PRR5L: variants seen among roughly 807,000 people sequenced by gnomAD.
PRR5L encodes proline rich 5 like, also known as proline-rich protein 5-like.
PRR5L carries 21 observed loss-of-function variants against 36.4 expected under a neutral mutation model. That is an observed-to-expected ratio of 0.58 (90% confidence interval 0.41 to 0.83). PRR5L has a LOEUF of 0.83. PRR5L is among the 40% of genes least tolerant of loss of function. The pLI is 0.00. For synonymous variants in PRR5L, 188 were observed against 197.0 expected (o/e 0.95, Z 0.38); for missense variants, 381 against 473.3 (o/e 0.80, Z 1.81).
At chr11:36,389,005 C>T (rs1200118188) in intron 1 of PRR5L, among the ~76,000 whole-genome samples, 1 of 152,152 alleles carries the variant, frequency 6.6e-6, no homozygotes, top group African/African-American at 2.4e-5. Context: ...GGCTCAAGGT[C>T]GGCTCTTTCT....
intron 1 of PRR5L, among the ~76,000 whole-genome samples, chr11:36,332,061 C>G (rs189666823): frequency 6.6e-6 from 1 of 152,242 alleles, no homozygotes; most frequent in South Asian, 2.1e-4. Context: ...ACCTAAAGCT[C>G]TTAGTCTAGT....
rs1454495436 is a variant in PRR5L at position 36,408,926 on chromosome 11, T to C, written c.245+5548T>C. On this transcript the variant is annotated intron_variant, in intron 3 of 8. Transcript: ENST00000530639. ...AAGCAGGGGCCATTGATTCATTGATTTATTTATTGAATAAATGTGGAGTGC... is the reference window on the plus strand; with the variant it reads ...AAGCAGGGGCCATTGATTCATTGATCTATTTATTGAATAAATGTGGAGTGC... 2.0e-5 allele frequency among the ~76,000 whole-genome samples: 3 copies of C among 152,210 alleles called. No individual in the cohort carries two copies. The East Asian group carries it at 5.8e-4, about 29-fold the overall frequency.
chr11:36,332,560 T>A (rs1421616168), intron 1 of PRR5L, among the ~76,000 whole-genome samples: 1 of 152,176 alleles, frequency 6.6e-6, no homozygotes, highest in East Asian at 1.9e-4. Flanking sequence ...TCTGCTATGG[T>A]TTGGACATTT....
intron 1 of PRR5L, among the ~76,000 whole-genome samples, chr11:36,350,962 T>TTATATATTTATATA (rs1565406497): frequency 5.4e-5 from 5 of 92,386 alleles, no homozygotes; most frequent in Non-Finnish European, 7.6e-5. Context: ...TTATATATAT[T>TTATATATTTATATA]TATATATTTA....
rs1856758966 is a variant in PRR5L at position 36,335,388 on chromosome 11, T to C, written c.-126+38950T>C. Among the ~76,000 whole-genome samples, 3 of 136,610 alleles carry C rather than the reference T, an allele frequency of 2.2e-5. No individual in the cohort carries two copies. In the South Asian group the frequency reaches 7.6e-4, roughly 35 times the overall value. The allele number at this position is 136,610 out of a possible 152,430, so 89.6% of individuals were successfully genotyped here. On this transcript the variant is annotated intron_variant, in intron 1 of 8. Coordinates refer to ENST00000530639, the MANE Select transcript of PRR5L (RefSeq NM_001160167.2). ...CTGAGTAGAAACCTTTCTATAAATA[T>C]TGTCTGCTTGGGTGGCAGTGTGTGT...
chr11:36,347,863 A>C (rs995050756), intron 1 of PRR5L, among the ~76,000 whole-genome samples: 10 of 152,184 alleles, frequency 6.6e-5, no homozygotes, highest in African/African-American at 2.4e-4. Context: ...ATGGTGGTTC[A>C]GGGCCTGAAC....
chr11:36,298,498 C>A (rs888900711), intron 1 of PRR5L, among the ~76,000 whole-genome samples: 8 of 152,134 alleles, frequency 5.3e-5, no homozygotes, highest in African/African-American at 1.9e-4. Flanking sequence ...GCAAACTAGA[C>A]CCCTCACATG....
chr11:36,401,777 C>T (rs890933199), intron 2 of PRR5L, among the ~76,000 whole-genome samples: 11 of 152,104 alleles, frequency 7.2e-5, no homozygotes, highest in African/African-American at 2.7e-4. Context: ...TGTTAGCTTT[C>T]TTTGTTTCAG....
chr11:36,449,610 C>T (rs530322375), intron 7 of PRR5L, among the ~76,000 whole-genome samples: 1 of 152,364 alleles, frequency 6.6e-6, no homozygotes, highest in East Asian at 1.9e-4. Flanking sequence ...TCAGGGGCCC[C>T]AGCCAGGCAG....
chr11:36,352,116 G>A (rs1277840105), intron 1 of PRR5L, among the ~76,000 whole-genome samples: 3 of 151,860 alleles, frequency 2.0e-5, no homozygotes, highest in African/African-American at 7.3e-5. Flanking sequence ...TTTGATTATG[G>A]CCATTCTTGC....
chr11:36,373,090 G>A (rs972688650), intron 1 of PRR5L, among the ~76,000 whole-genome samples: 1 of 151,962 alleles, frequency 6.6e-6, no homozygotes, highest in Admixed American at 6.6e-5. Context: ...TGGATTGGAT[G>A]CACCTGGGTT....
intron 1 of PRR5L, among the ~76,000 whole-genome samples, chr11:36,315,857 C>T (rs1419335008): frequency 6.6e-6 from 1 of 152,112 alleles, no homozygotes; most frequent in South Asian, 2.1e-4. Context: ...AGTGTAGGTG[C>T]CTTCCCTGAA....
At chr11:36,461,373 A>G (rs1859175867) in intron 8 of PRR5L, among the ~76,000 whole-genome samples, 1 of 152,192 alleles carries the variant, frequency 6.6e-6, no homozygotes, top group Non-Finnish European at 1.5e-5. Flanking sequence ...CTTTAATCCC[A>G]GCACTTTGGG....
Position 36,418,060 on chromosome 11 carries a change from C to T in PRR5L, c.246-1195C>T, listed in dbSNP as rs550145184. The stretch of plus-strand genomic sequence containing the variant: ...CTATTTTCCATTTGTATTTTATTAG[C>T]ACTTAAGATTCGTTGAAATCATCTT... On this transcript the variant is annotated intron_variant, in intron 3 of 8. Coordinates refer to ENST00000530639, the MANE Select transcript of PRR5L (RefSeq NM_001160167.2). Among the ~76,000 whole-genome samples, 3 of 152,274 alleles carry T rather than the reference C, an allele frequency of 2.0e-5. No homozygotes were observed. In the South Asian group the frequency reaches 6.2e-4, roughly 32 times the overall value.
intron 2 of PRR5L, among the ~76,000 whole-genome samples, 164 bp from the exon 3 acceptor site, chr11:36,403,134 C>T (rs1857833539): frequency 6.6e-6 from 1 of 152,186 alleles, no homozygotes; most frequent in Admixed American, 6.5e-5. Context: ...TTTGGTCTTC[C>T]TTTCTCTCCA....
intron 1 of PRR5L, among the ~76,000 whole-genome samples, chr11:36,318,975 A>G (rs1302773492): frequency 6.6e-6 from 1 of 152,154 alleles, no homozygotes; most frequent in African/African-American, 2.4e-5. Flanking sequence ...CCTAATACTA[A>G]ATCACATATC....
Position 36,351,452 on chromosome 11 carries a change from T to TAA in PRR5L, c.-125-49544_-125-49543insAA, listed in dbSNP as rs1485619874. Among the ~76,000 whole-genome samples, 50 of 50,512 alleles carry TAA rather than the reference T, an allele frequency of 9.9e-4. 4 individuals are homozygous for TAA. Among genetic ancestry groups the TAA allele is most frequent in the Admixed American group, 2.8e-3 (8 of 2,860 alleles). 33.1% of individuals were successfully genotyped at this position (50,512 alleles called of 152,430 possible). On this transcript the variant is annotated intron_variant, in intron 1 of 8. Transcript: ENST00000530639. ...ATATTTATATATACATATATATTTA[T>TAA]ATATTTATATATTTATATATACATA...
chr11:36,438,845 G>C (rs1281156099), intron 6 of PRR5L, among the ~76,000 whole-genome samples: 2 of 152,118 alleles, frequency 1.3e-5, no homozygotes, highest in African/African-American at 4.8e-5. Context: ...TGAAGTAGGA[G>C]GATCACTTGA....
intron 1 of PRR5L, among the ~76,000 whole-genome samples, chr11:36,388,599 G>C (rs1857498223): frequency 6.6e-6 from 1 of 152,076 alleles, no homozygotes; most frequent in Non-Finnish European, 1.5e-5. Flanking sequence ...CAGTGAAAAG[G>C]GTAAATGCTC....
Sources: gnomAD v4.1 joint callset for allele counts (sites outside exome capture counted in the v4.1 genomes callset) on GRCh38, gnomAD v4.1.1 for gene constraint, MANE v1.5 for transcripts, NCBI Gene and HGNC (gene_info 2026-07-23, HGNC 2026-07-21) for gene names.